CACNA2D1: variants seen among roughly 807,000 people sequenced by gnomAD.
CACNA2D1 encodes the protein calcium voltage-gated channel auxiliary subunit alpha2delta 1.
CACNA2D1 carries 53 observed loss-of-function variants against 171.5 expected under a neutral mutation model. The observed-to-expected ratio is 0.31, with a 90% CI of 0.25 to 0.39. The LOEUF (loss-of-function observed/expected upper bound fraction) is 0.39, where lower values mean the gene tolerates loss of function less well. CACNA2D1 is among the 10% of genes least tolerant of loss of function. The pLI is 1.00. For missense variants in CACNA2D1, 903 were observed against 1,299.8 expected, an observed-to-expected ratio of 0.69 and a Z score of 4.69; for synonymous variants, 442 against 443.1, an observed-to-expected ratio of 1.00 and a Z score of 0.03.
intron 1 of CACNA2D1, among the ~76,000 whole-genome samples, chr7:82,414,540 G>A (rs1325036257): frequency 1.3e-5 from 2 of 152,158 alleles, no homozygotes; most frequent in African/African-American, 4.8e-5. Context: ...CTAATTTGTG[G>A]GAAGCAAGAG....
intron 10 of CACNA2D1, among the ~76,000 whole-genome samples, chr7:82,059,554 T>G (rs1013594877): frequency 2.6e-5 from 4 of 151,992 alleles, no homozygotes; most frequent in Admixed American, 1.3e-4. Context: ...TGTCCGTGAG[T>G]AAAGGGGCTC....
intron 18 of CACNA2D1, among the ~76,000 whole-genome samples, chr7:81,999,340 AAG>A (rs1301832111): frequency 1.3e-5 from 2 of 152,202 alleles, no homozygotes; most frequent in Non-Finnish European, 2.9e-5. Context: ...AGAAAGCACC[AAG>A]AGAGGCTGAA....
intron 2 of CACNA2D1, among the ~76,000 whole-genome samples, chr7:82,336,976 TA>T (rs1301236215): frequency 6.6e-5 from 10 of 152,176 alleles, no homozygotes; most frequent in African/African-American, 2.2e-4. Context: ...ATACTTCAGG[TA>T]ATATCATTTA....
intron 3 of CACNA2D1, among the ~76,000 whole-genome samples, chr7:82,287,262 C>CTTTT (rs60221780): frequency 0.055 from 8,045 of 147,260 alleles, 725 homozygotes; most frequent in African/African-American, 0.19. Context: ...TCTTTTCTTT[C>CTTTT]TTTTTTTTTT....
At chr7:82,241,727 G>T (rs1404238137) in intron 3 of CACNA2D1, among the ~76,000 whole-genome samples, 1 of 151,896 alleles carries the variant, frequency 6.6e-6, no homozygotes, top group East Asian at 1.9e-4. Context: ...AGGTCAGAAG[G>T]GTTAATTCTG....
At chr7:82,057,491 G>T (rs1211548048) in intron 10 of CACNA2D1, among the ~76,000 whole-genome samples, 1 of 151,784 alleles carries the variant, frequency 6.6e-6, no homozygotes, top group Non-Finnish European at 1.5e-5. Context: ...CAGGGTCCCA[G>T]AAAGAATTTA....
intron 3 of CACNA2D1, among the ~76,000 whole-genome samples, chr7:82,257,113 T>A (rs1049970751): frequency 6.6e-6 from 1 of 152,172 alleles, no homozygotes; most frequent in South Asian, 2.1e-4. Flanking sequence ...TGTATTTGTG[T>A]CAAGTTTTAA....
chr7:82,146,181 A>T (rs890782070), intron 4 of CACNA2D1, among the ~76,000 whole-genome samples: 4 of 151,660 alleles, frequency 2.6e-5, no homozygotes, highest in Non-Finnish European at 5.9e-5. Flanking sequence ...AACTGCAAAG[A>T]TACTCATGTA....
intron 5 of CACNA2D1, among the ~76,000 whole-genome samples, chr7:82,121,185 G>T (rs1310964947): frequency 6.6e-6 from 1 of 152,038 alleles, no homozygotes; most frequent in East Asian, 1.9e-4. Context: ...CAGAGCTGCT[G>T]GGACTACAGG....
intron 34 of CACNA2D1, among the ~76,000 whole-genome samples, 193 bp downstream of exon 34, chr7:81,963,863 T>G (rs1794426535): frequency 6.6e-6 from 1 of 152,014 alleles, no homozygotes; most frequent in African/African-American, 2.4e-5. Flanking sequence ...TATGAGAAAC[T>G]GAATAATGGT....
intron 15 of CACNA2D1, among the ~76,000 whole-genome samples, chr7:82,011,627 G>T (rs1199991165): frequency 1.3e-5 from 2 of 152,134 alleles, no homozygotes; most frequent in Admixed American, 6.6e-5. Flanking sequence ...TAGCACAAAA[G>T]ATTATATTAA....
chr7:82,278,504 G>C (rs1469944535), intron 3 of CACNA2D1, among the ~76,000 whole-genome samples: 2 of 140,712 alleles, frequency 1.4e-5, no homozygotes, highest in African/African-American at 5.2e-5. Flanking sequence ...GTTGCAGTCA[G>C]CCAAGATCAT....
At chr7:82,081,959 G>A (rs1809833869) in intron 7 of CACNA2D1, among the ~76,000 whole-genome samples, 1 of 152,222 alleles carries the variant, frequency 6.6e-6, no homozygotes, top group Non-Finnish European at 1.5e-5. Context: ...CATGTCATAA[G>A]TGACTCTCAT....
At chr7:82,272,211 G>C (rs1232743584) in intron 3 of CACNA2D1, among the ~76,000 whole-genome samples, 1 of 152,134 alleles carries the variant, frequency 6.6e-6, no homozygotes, top group East Asian at 1.9e-4. Flanking sequence ...CTGACAGCAA[G>C]AGTATTGGAA....
rs139789910 is a variant in CACNA2D1, at chr7:82,385,484, A to C, written c.96-35835T>G. ...CCATTGTAACCCTATGTGGTACAATATGGGTTAAATTAGCTCTACAAACTG... is the reference window on the plus strand; with the variant it reads ...CCATTGTAACCCTATGTGGTACAATCTGGGTTAAATTAGCTCTACAAACTG... On this transcript the variant is annotated intron_variant, in intron 1 of 38. Coordinates refer to ENST00000356860, the MANE Select transcript of CACNA2D1 (RefSeq NM_000722.4). Among the ~76,000 whole-genome samples, 429 of 152,344 alleles carry C rather than the reference A, an allele frequency of 2.8e-3. 2 individuals are homozygous for C. Among genetic ancestry groups the C allele is most frequent in the South Asian group, 6.6e-3 (32 of 4,828 alleles).
At position 82,170,547 on chromosome 7, in the gene CACNA2D1, T is replaced by TA; in HGVS notation, c.354+2dup. On this transcript the variant is annotated splice_region_variant and intron_variant, in intron 4 of 38. Coordinates refer to ENST00000356860, the MANE Select transcript of CACNA2D1 (RefSeq NM_000722.4). ...AAATCAAGTAGTTAAAAGGGGTTCTTACTGCAAAATCTTCTCTCCACTGGT... is the reference window on the plus strand; with the variant it reads ...AAATCAAGTAGTTAAAAGGGGTTCTTAACTGCAAAATCTTCTCTCCACTGGT... The TA allele has an allele frequency of 6.2e-7, 1 of 1,611,208 alleles. No individual in the cohort carries two copies. The highest frequency in any genetic ancestry group is 1.1e-5 in the South Asian group (1 of 91,038).
Position 81,970,715 on chromosome 7 carries a change from C to T in CACNA2D1, c.2164G>A (p.Val722Ile), listed in dbSNP as rs140583625. The change falls in exon 27 of 39, where the codon GTT becomes ATT. Residue 722 changes from valine (V) to isoleucine (I), a missense_variant. This residue lies in a region of CACNA2D1 where 623 missense variants were observed against 925.5 expected (regional missense o/e 0.67). Coordinates refer to ENST00000356860, the MANE Select transcript of CACNA2D1 (RefSeq NM_000722.4). ...KNIKGVKARF[V>I]VTDGGITRVY... is the part of the protein sequence containing the mutation. ...CTGGTAATCCCACCATCAGTCACAA[C>T]AAATCGTGCTTTCACTCCCTTGCTG... The T allele has an allele frequency of 6.3e-6, 10 of 1,594,870 alleles. No homozygotes were observed. The highest frequency in any genetic ancestry group is 1.3e-5 in the African/African-American group (1 of 74,394).
rs4019049 is a variant in CACNA2D1, at chr7:82,053,251, C to CAAA, written c.879+7174_879+7176dup. ...TGGGTGACAGAGCGAGACTCCGTCT[C>CAAA]AAAAAAAAAAAAAAAAAATTAAATA... is the stretch of plus-strand genomic sequence containing the variant. On this transcript the variant is annotated intron_variant, in intron 10 of 38. Transcript: ENST00000356860. Among the ~76,000 whole-genome samples the CAAA allele has an allele frequency of 8.6e-3, 984 of 114,760 alleles. 28 individuals carry two copies. The highest frequency in any genetic ancestry group is 0.041 in the East Asian group (165 of 4,020). The allele number at this position is 114,760 out of a possible 152,430, so 75.3% of individuals were successfully genotyped here. A position where few individuals can be genotyped will look rare whatever the true frequency, so the allele number is the denominator to read the frequency against.
At chr7:81,981,360 C>T (rs960443582) in intron 24 of CACNA2D1, among the ~76,000 whole-genome samples, 2 of 152,074 alleles carry the variant, frequency 1.3e-5, no homozygotes, top group South Asian at 4.1e-4. Flanking sequence ...TGATCAACAG[C>T]GTCACACACT....
Sources: gnomAD v4.1 joint callset for allele counts (sites outside exome capture counted in the v4.1 genomes callset) on GRCh38, gnomAD v4.1.1 for gene constraint, gnomAD v4.1.1 regional missense constraint, MANE v1.5 for transcripts, NCBI Gene and HGNC (gene_info 2026-07-23, HGNC 2026-07-21) for gene names.